Variants in ZNF248 observed in about 807,000 individuals in gnomAD.
ZNF248 encodes the protein zinc finger protein 248, also known as KRAB protein domain.
A neutral mutation model predicts 44.3 loss-of-function variants in ZNF248; 20 were observed. The observed-to-expected ratio is 0.45, with a 90% CI of 0.32 to 0.66. The LOEUF (loss-of-function observed/expected upper bound fraction) is 0.66. Among genes scored for constraint, ZNF248 ranks in the 30% least tolerant of loss-of-function variants. The pLI is 0.04. For synonymous variants in ZNF248, 224 were observed against 229.0 expected (o/e 0.98, Z 0.20); for missense variants, 654 against 677.0 (o/e 0.97, Z 0.38).
intron 6 of ZNF248, among the ~76,000 whole-genome samples, chr10:37,817,375 TAAAA>T (rs35493240): frequency 0.13 from 20,082 of 150,700 alleles, 1,403 homozygotes; most frequent in Admixed American, 0.2. Flanking sequence ...CCTTTATTTT[TAAAA>T]AAAAAATAGC....
chr10:37,802,632 C>T (rs2049968235), intron 6 of ZNF248, among the ~76,000 whole-genome samples: 1 of 152,176 alleles, frequency 6.6e-6, no homozygotes, highest in Non-Finnish European at 1.5e-5. Flanking sequence ...AATGCCCTGG[C>T]TGTACTGTTT....
At chr10:37,793,513 A>G (rs1404304572) in intron 6 of ZNF248, among the ~76,000 whole-genome samples, 2 of 152,232 alleles carry the variant, frequency 1.3e-5, no homozygotes, top group East Asian at 1.9e-4. Flanking sequence ...AACATTTTAC[A>G]TTTGTCAGAT....
At chr10:37,777,730 T>C (rs2046763645) in intron 6 of ZNF248, among the ~76,000 whole-genome samples, 1 of 134,088 alleles carries the variant, frequency 7.5e-6, no homozygotes, top group African/African-American at 2.8e-5. Flanking sequence ...ATTCCCCTTC[T>C]TGTGTCCATG....
At chr10:37,768,738 A>G in the ZNF248 span, among the ~76,000 whole-genome samples, 1 of 152,316 alleles carries the variant, frequency 6.6e-6, no homozygotes, top group South Asian at 2.1e-4. Context: ...AAACACACTC[A>G]AATGCTAGCA....
intron 3 of ZNF248, among the ~76,000 whole-genome samples, chr10:37,843,889 AG>A (rs2058799823): frequency 6.6e-6 from 1 of 152,190 alleles, no homozygotes; most frequent in Non-Finnish European, 1.5e-5. Flanking sequence ...AAATATATAA[AG>A]AAATGTGAAT....
intron 6 of ZNF248, among the ~76,000 whole-genome samples, chr10:37,779,541 A>G (rs1191269417): frequency 2.6e-5 from 4 of 151,834 alleles, no homozygotes. Flanking sequence ...ATCTATGACA[A>G]ACCCACAGCC....
In ZNF248 at chr10:37,830,952, A is replaced by C. The variant is rs932197906; in HGVS notation, c.*663T>G. 3 of 436,444 alleles carry C rather than the reference A, an allele frequency of 6.9e-6. No homozygotes were observed. Among genetic ancestry groups the C allele is most frequent in the African/African-American group, 6.3e-5 (3 of 47,616 alleles). The allele number at this position is 436,444 out of a possible 1,614,324, so 27.0% of individuals were successfully genotyped here. ...TAACTGGCTCACAAAATTCCTTAAA[A>C]TTTAACAATCAGAACTTTTAAGTCA... On this transcript the variant is annotated 3_prime_UTR_variant, in exon 6 of 6. Coordinates refer to ENST00000395867, the MANE Select transcript of ZNF248 (RefSeq NM_021045.3).
chr10:37,846,084 C>T (rs1335205526), intron 3 of ZNF248, among the ~76,000 whole-genome samples: 1 of 152,172 alleles, frequency 6.6e-6, no homozygotes, highest in Non-Finnish European at 1.5e-5. Context: ...AAAACCCTTG[C>T]TTATAAGCCA....
rs1222583067 is a variant in ZNF248, at chr10:37,829,384, C to A, written c.*2231G>T. The A allele has an allele frequency of 2.0e-6, 2 of 985,282 alleles. No homozygotes were observed. The highest frequency in any genetic ancestry group is 3.5e-5 in the African/African-American group (2 of 57,228). The allele number at this position is 985,282 out of a possible 1,614,324, so 61.0% of individuals were successfully genotyped here. A position where few individuals can be genotyped will look rare whatever the true frequency, so the allele number is the denominator to read the frequency against. On this transcript the variant is annotated 3_prime_UTR_variant, in exon 6 of 6. Coordinates refer to ENST00000395867, the MANE Select transcript of ZNF248 (RefSeq NM_021045.3). ...TTAAAATATTTTTAGTTGGAGAATT[C>A]TGTTTTCCACCAGAAAGAACCATGG...
At chr10:37,856,021 A>G (rs1215908809) in intron 3 of ZNF248, among the ~76,000 whole-genome samples, 1 of 152,242 alleles carries the variant, frequency 6.6e-6, no homozygotes, top group Non-Finnish European at 1.5e-5. Flanking sequence ...CTTTGTTTCT[A>G]CAAAGAAATA....
At chr10:37,788,937 C>T (rs949375383) in intron 6 of ZNF248, among the ~76,000 whole-genome samples, 3 of 151,222 alleles carry the variant, frequency 2.0e-5, no homozygotes, top group African/African-American at 7.3e-5. Context: ...AGTGGCACAA[C>T]GTTGGCTCAC....
chr10:37,790,750 A>C (rs911196867), intron 6 of ZNF248, among the ~76,000 whole-genome samples: 9 of 149,356 alleles, frequency 6.0e-5, no homozygotes, highest in African/African-American at 2.2e-4. Flanking sequence ...TTAAAAAAAT[A>C]AAAATAAAAA....
At chr10:37,850,573 G>A (rs779259194) in intron 3 of ZNF248, among the ~76,000 whole-genome samples, 12 of 152,148 alleles carry the variant, frequency 7.9e-5, no homozygotes, top group South Asian at 4.1e-4. Flanking sequence ...TCAAGATAGC[G>A]TGGTATTAGC....
At chr10:37,760,987 T>C in the ZNF248 span, among the ~76,000 whole-genome samples, 3 of 152,240 alleles carry the variant, frequency 2.0e-5, no homozygotes, top group East Asian at 5.8e-4. Context: ...CGAGATGGCA[T>C]GATGGTGCAG....
rs1383068925 is a variant in ZNF248, at chr10:37,797,397, G to A, written c.331-20822C>T. ...TCTTAGATTAATTTTAGATTAGGTA[G>A]TGGTTTCTTAGATATGACACCCAAA... On this transcript the variant is annotated intron_variant, in intron 6 of 6. Coordinates refer to the ZNF248 transcript ENST00000615949. 3.3e-5 allele frequency among the ~76,000 whole-genome samples: 5 copies of A among 152,064 alleles called. No individual in the cohort carries two copies. The East Asian group carries it at 9.6e-4, about 29-fold the overall frequency.
rs556679565 is a variant in ZNF248 at position 37,820,686 on chromosome 10, CG to C, written c.330+12338del. 1.2e-3 allele frequency: 1,682 copies of C among 1,384,776 alleles called. 3 individuals carry two copies. Among genetic ancestry groups the C allele is most frequent in the Non-Finnish European group, 1.6e-3 (1,542 of 973,150 alleles). 85.8% of individuals were successfully genotyped at this position (1,384,776 alleles called of 1,614,324 possible). A position where few individuals can be genotyped will look rare whatever the true frequency, so the allele number is the denominator to read the frequency against. On this transcript the variant is annotated intron_variant, in intron 6 of 6. Coordinates refer to the ZNF248 transcript ENST00000615949. ...TTTCGCTGGTCATTCTGCTTTTTCT[CG>C]GGAGTCTCTACTTCTTTATCACTCA...
At chr10:37,794,444 A>T (rs1181485182) in intron 6 of ZNF248, 1 of 161,172 alleles carries the variant, frequency 6.2e-6, no homozygotes. Flanking sequence ...CTGTTCTCTG[A>T]TGTAGTGTGA....
chr10:37,808,302 G>A (rs1387674264), intron 6 of ZNF248, among the ~76,000 whole-genome samples: 1 of 142,520 alleles, frequency 7.0e-6, no homozygotes, highest in Non-Finnish European at 1.5e-5. Flanking sequence ...TTCTGAGACA[G>A]AATCTCGCTC....
chr10:37,851,768 CAAAAAAAA>C (rs57501241), intron 3 of ZNF248, among the ~76,000 whole-genome samples: 10 of 32,056 alleles, frequency 3.1e-4, no homozygotes, highest in Admixed American at 4.5e-4. Context: ...TCAGAATGAC[CAAAAAAAA>C]AAAAAAAAAA....
Sources: allele counts gnomAD v4.1 joint callset (sites outside exome capture counted in the v4.1 genomes callset), GRCh38; gene constraint gnomAD v4.1.1; transcripts MANE v1.5; gene names NCBI Gene and HGNC (gene_info 2026-07-23, HGNC 2026-07-21).